The following SSB variants were observed in gnomAD, a reference collection of about 807,000 sequenced individuals.
SSB encodes lupus La protein.
A neutral mutation model predicts 52.9 loss-of-function variants in SSB; 17 were observed. The ratio of observed to expected loss-of-function variants is 0.32; its 90% CI spans 0.22 to 0.48. SSB has a LOEUF of 0.48. SSB is among the 20% of genes least tolerant of loss of function. The probability of loss-of-function intolerance (pLI) is 0.99; values close to 1 mark genes in which losing one functional copy is unlikely to be tolerated. For synonymous variants in SSB, 111 were observed against 152.1 expected, an observed-to-expected ratio of 0.73 and a Z score of 1.99; for missense variants, 314 against 463.6, an observed-to-expected ratio of 0.68 and a Z score of 2.96.
chr2:169,806,214 C>T, intron 4 of SSB: 1 of 242,604 alleles, frequency 4.1e-6, no homozygotes, highest in Non-Finnish European at 8.2e-6. Context: ...ATCCAATCAC[C>T]TTGACCTCCC....
intron 2 of SSB, among the ~76,000 whole-genome samples, chr2:169,801,785 C>T (rs1349302151): frequency 6.6e-6 from 1 of 152,154 alleles, no homozygotes; most frequent in Non-Finnish European, 1.5e-5. Flanking sequence ...CTGCCCACCT[C>T]AGCCTCCCAA....
intron 2 of SSB, among the ~76,000 whole-genome samples, chr2:169,803,125 A>G (rs899736191): frequency 9.9e-5 from 15 of 152,192 alleles, no homozygotes; most frequent in Non-Finnish European, 2.2e-4. Context: ...AGTCAATACT[A>G]GGTAGTCTTG....
chr2:169,803,931 G>T (rs1689764663), intron 2 of SSB, among the ~76,000 whole-genome samples: 1 of 152,044 alleles, frequency 6.6e-6, no homozygotes, highest in Non-Finnish European at 1.5e-5. Context: ...TAGAGTCAGG[G>T]TTTCACCACT....
At chr2:169,807,198 A>G (rs1689847498) in intron 6 of SSB, 127 bp downstream of exon 6, 2 of 702,958 alleles carry the variant, frequency 2.8e-6, no homozygotes, top group South Asian at 2.0e-5. Flanking sequence ...CCTTTGAGAA[A>G]TGCTTGATAT....
chr2:169,803,716 C>T (rs1036817298), intron 2 of SSB, among the ~76,000 whole-genome samples: 17 of 151,838 alleles, frequency 1.1e-4, no homozygotes, highest in Non-Finnish European at 2.4e-4. Flanking sequence ...CAAAGCAAGA[C>T]CCGATCCCTG....
In SSB at chr2:169,806,729, T is replaced by G; in HGVS notation, c.346-56T>G. ...AAAAATGAATCAAATTCTCTCCAAT[T>G]GTTTATCTGAGAAGTCATTATTTGT... On this transcript the variant is annotated intron_variant, in intron 4 of 11. Transcript: ENST00000260956. 4 of 1,354,374 alleles carry G rather than the reference T, an allele frequency of 3.0e-6. No individual in the cohort carries two copies. The South Asian group carries it at 5.1e-5, about 17-fold the overall frequency. The allele number at this position is 1,354,374 out of a possible 1,614,324, so 83.9% of individuals were successfully genotyped here.
Position 169,800,935 on chromosome 2 carries a change from T to C in SSB, c.-9-17T>C. 1 of 1,568,202 alleles carries C rather than the reference T, an allele frequency of 6.4e-7. No individual in the cohort carries two copies. ...TATATAAAAAATAACTTTATGCTAA[T>C]TTGGGAAATTTTACAGATAGCCGCA... On this transcript the variant is annotated splice_polypyrimidine_tract_variant and intron_variant, in intron 1 of 11. Transcript: ENST00000260956.
chr2:169,804,175 G>A lies in SSB; in HGVS notation c.67-1299G>A, dbSNP rs563531105. 1.6e-3 allele frequency among the ~76,000 whole-genome samples: 240 copies of A among 150,588 alleles called. 1 individual carries two copies. Among genetic ancestry groups the A allele is most frequent in the Admixed American group, 5.8e-3 (88 of 15,136 alleles). ...CTGGCATTCCAAATAGTCATACTTG[G>A]GTTTTTCCTTGGCTTGTATATTGAG... On this transcript the variant is annotated intron_variant, in intron 2 of 11. Transcript: ENST00000260956.
Position 169,805,756 on chromosome 2 carries a change from A to G in SSB, c.262A>G (p.Lys88Glu). The change falls in exon 4 of 12, where the codon AAA (lysine) becomes GAA (glutamate). Residue 88 changes from lysine (K) to glutamate (E), a missense_variant. Transcript: ENST00000260956. ...ELMEISEDKT[K>E]IRRSPSKPLP... is the part of the protein sequence containing the mutation. The stretch of plus-strand genomic sequence containing the variant: ...CATGGAAATCAGTGAAGATAAAACT[A>G]AAATCAGAAGGTCTCCAAGCAAACC... 1 of 1,614,130 alleles carries G rather than the reference A, an allele frequency of 6.2e-7. No individual in the cohort carries two copies. The highest frequency in any genetic ancestry group is 8.5e-7 in the Non-Finnish European group (1 of 1,180,000).
chr2:169,804,182 C>T (rs1296790948), intron 2 of SSB, among the ~76,000 whole-genome samples: 1 of 150,114 alleles, frequency 6.7e-6, no homozygotes, highest in African/African-American at 2.4e-5. Flanking sequence ...TTGGGTTTTT[C>T]CTTGGCTTGT....
At chr2:169,806,636 A>G in intron 4 of SSB, 149 bp from the exon 5 acceptor site, 2 of 611,072 alleles carry the variant, frequency 3.3e-6, no homozygotes, top group Non-Finnish European at 5.7e-6. Flanking sequence ...TGGCTCCTAA[A>G]CAAGGCTGTT....
At chr2:169,809,868 G>A (rs752289951) in intron 8 of SSB, among the ~76,000 whole-genome samples, 4 of 151,720 alleles carry the variant, frequency 2.6e-5, no homozygotes, top group Admixed American at 6.6e-5. Flanking sequence ...CGCCTGCCTC[G>A]GCCTCCCAAA....
rs1032757173 is a variant in SSB, at chr2:169,805,659, CTT to C, written c.171-5_171-4del. On this transcript the variant is annotated splice_polypyrimidine_tract_variant and splice_region_variant and intron_variant, in intron 3 of 11. Transcript: ENST00000260956. ...TGAGTCTTATGTTTTTATATGTACT[CTT>C]CAGGTTGAACCGTCTAACAACAGAC... 3.7e-6 allele frequency: 6 copies of C among 1,613,616 alleles called. No individual in the cohort carries two copies. In the African/African-American group the frequency reaches 8.0e-5, roughly 22 times the overall value.
At chr2:169,801,585 G>A (rs967981940) in intron 2 of SSB, among the ~76,000 whole-genome samples, 5 of 138,546 alleles carry the variant, frequency 3.6e-5, no homozygotes, top group African/African-American at 1.1e-4. Flanking sequence ...CACTATCCTG[G>A]CTCACTACAA....
chr2:169,807,019 G>A lies in SSB; in HGVS notation c.502G>A (p.Val168Ile), dbSNP rs1330673910. ...FDSIESAKKF[V>I]ETPGQKYKET... ...TAGCATTGAATCTGCTAAGAAATTT[G>A]TAGAGACCCCTGGCCAGAAGTACAA... The change falls in exon 6 of 12, where the codon GTA (valine) becomes ATA (isoleucine). Residue 168 changes from valine (V) to isoleucine (I), a missense_variant. Val to Ile is a conservative substitution (Grantham distance 29, BLOSUM62 3). Coordinates refer to ENST00000260956, the MANE Select transcript of SSB (RefSeq NM_003142.5). 1.9e-6 allele frequency: 3 copies of A among 1,613,958 alleles called. No homozygotes were observed. The highest frequency in any genetic ancestry group is 1.1e-5 in the South Asian group (1 of 91,074).
rs368933602 is a variant in SSB at position 169,808,954 on chromosome 2, A to G, written c.669+52A>G. The stretch of plus-strand genomic sequence containing the variant: ...ACATCTGTAATTCGAAGTTAAATGA[A>G]TAGCTTTTAAGTCTGAGGACTTTTT... On this transcript the variant is annotated intron_variant, in intron 8 of 11. Transcript: ENST00000260956. 764 of 1,439,210 alleles carry G rather than the reference A, an allele frequency of 5.3e-4. 3 individuals are homozygous for G. The highest frequency in any genetic ancestry group is 1.8e-3 in the Middle Eastern group (10 of 5,706). 89.2% of individuals were successfully genotyped at this position (1,439,210 alleles called of 1,614,324 possible).
rs756265282 is a variant in SSB, at chr2:169,810,846, T to C, written c.811-12T>C. On this transcript the variant is annotated splice_polypyrimidine_tract_variant and intron_variant, in intron 9 of 11. Coordinates refer to ENST00000260956, the MANE Select transcript of SSB (RefSeq NM_003142.5). ...CCAAGGGTATGGCTTTTGTTTTCTG[T>C]CTCTGGTATAGGGGATAATTCTATT... is the stretch of plus-strand genomic sequence containing the variant. The C allele has an allele frequency of 1.3e-6, 2 of 1,577,100 alleles. No individual in the cohort carries two copies. Among genetic ancestry groups the C allele is most frequent in the Admixed American group, 4.1e-5 (2 of 48,718 alleles).
At chr2:169,801,682 C>T (rs1351467867) in intron 2 of SSB, among the ~76,000 whole-genome samples, 6 of 151,640 alleles carry the variant, frequency 4.0e-5, no homozygotes, top group African/African-American at 7.3e-5. Context: ...TACAGGAGCA[C>T]GCCACCACAC....
At chr2:169,803,990 C>T (rs1689766725) in intron 2 of SSB, among the ~76,000 whole-genome samples, 2 of 152,206 alleles carry the variant, frequency 1.3e-5, no homozygotes, top group South Asian at 4.1e-4. Flanking sequence ...TGACCCGCCT[C>T]AGCCTCCCAA....
Sources: gnomAD v4.1 joint callset for allele counts (sites outside exome capture counted in the v4.1 genomes callset) on GRCh38, gnomAD v4.1.1 for gene constraint, MANE v1.5 for transcripts, NCBI Gene and HGNC (gene_info 2026-07-23, HGNC 2026-07-21) for gene names.